UBL3: variants seen among roughly 807,000 people sequenced by gnomAD.
The protein encoded by UBL3 is ubiquitin like 3, also known as ubiquitin-like protein 3.
UBL3 carries 6 observed loss-of-function variants against 18.4 expected under a neutral mutation model. That is an observed-to-expected ratio of 0.33 (90% CI 0.18 to 0.64). UBL3 has a LOEUF of 0.64. Among genes scored for constraint, UBL3 ranks in the 30% least tolerant of loss-of-function variants. The pLI is 0.76. For missense variants in UBL3, 109 were observed against 142.9 expected, an observed-to-expected ratio of 0.76 and a Z score of 1.21; for synonymous variants, 49 against 46.6, an observed-to-expected ratio of 1.05 and a Z score of -0.21.
chr13:29,848,476 T>A (rs375722245), intron 1 of UBL3, among the ~76,000 whole-genome samples: 30 of 151,460 alleles, frequency 2.0e-4, no homozygotes, highest in Non-Finnish European at 2.2e-4. Context: ...AAAATTAAAT[T>A]AAAATTAAAT....
intron 1 of UBL3, among the ~76,000 whole-genome samples, chr13:29,792,106 G>A (rs1186441622): frequency 1.3e-5 from 2 of 152,100 alleles, no homozygotes; most frequent in Non-Finnish European, 2.9e-5. Context: ...CAGTCACAGT[G>A]CTTGAAAAAA....
At chr13:29,817,530 G>C (rs572131597) in intron 1 of UBL3, among the ~76,000 whole-genome samples, 1 of 152,288 alleles carries the variant, frequency 6.6e-6, no homozygotes, top group African/African-American at 2.4e-5. Context: ...ACAGGAAAGA[G>C]ACCAGAGGCA....
intron 1 of UBL3, among the ~76,000 whole-genome samples, chr13:29,802,197 T>A (rs1877789159): frequency 6.6e-6 from 1 of 152,180 alleles, no homozygotes. Flanking sequence ...AAAAATACTT[T>A]GCTAATACAC....
intron 1 of UBL3, among the ~76,000 whole-genome samples, chr13:29,812,456 G>C (rs886591042): frequency 6.6e-6 from 1 of 151,686 alleles, no homozygotes; most frequent in African/African-American, 2.4e-5. Flanking sequence ...ATACTCCAAG[G>C]CACCACCCCA....
chr13:29,788,833 G>A (rs987129652), intron 1 of UBL3, among the ~76,000 whole-genome samples: 12 of 146,412 alleles, frequency 8.2e-5, no homozygotes, highest in African/African-American at 3.0e-4. Context: ...AGGGCTTAAT[G>A]GGGAAGTGTG....
In UBL3 at chr13:29,835,116, AT is replaced by A. The variant is rs1566001005; in HGVS notation, c.27+14395del. Among the ~76,000 whole-genome samples, 134 of 24,792 alleles carry A rather than the reference AT, an allele frequency of 5.4e-3. 7 individuals are homozygous for A. The highest frequency in any genetic ancestry group is 0.017 in the Middle Eastern group (1 of 60). 16.3% of individuals were successfully genotyped at this position (24,792 alleles called of 152,430 possible). A position where few individuals can be genotyped will look rare whatever the true frequency, so the allele number is the denominator to read the frequency against. On this transcript the variant is annotated intron_variant, in intron 1 of 4. Transcript: ENST00000380680. ...TATATATATATATATAAATATATAT[AT>A]ATATATAAATATATATATATATATA...
chr13:29,828,892 G>A (rs564215369), intron 1 of UBL3, among the ~76,000 whole-genome samples: 9 of 152,210 alleles, frequency 5.9e-5, no homozygotes, highest in Non-Finnish European at 1.3e-4. Context: ...TTCCTTCTAA[G>A]AGTCAGGACC....
At chr13:29,832,398 T>G (rs1388598880) in intron 1 of UBL3, among the ~76,000 whole-genome samples, 1 of 151,614 alleles carries the variant, frequency 6.6e-6, no homozygotes, top group Non-Finnish European at 1.5e-5. Context: ...AGTGGCGCTA[T>G]CTCGGCTCAC....
chr13:29,782,513 T>C (rs1877202879), intron 1 of UBL3, among the ~76,000 whole-genome samples: 1 of 152,198 alleles, frequency 6.6e-6, no homozygotes, highest in Admixed American at 6.5e-5. Flanking sequence ...AAATATTATT[T>C]TAATGTTTAT....
chr13:29,770,807 A>G, intron 3 of UBL3, among the ~76,000 whole-genome samples: 1 of 135,158 alleles, frequency 7.4e-6, no homozygotes, highest in Non-Finnish European at 1.6e-5. Flanking sequence ...TGGTCCATCT[A>G]TTTATACAAA....
In UBL3 at chr13:29,772,102, T is replaced by C; in HGVS notation, c.223+10A>G. ...CAGACATTAAATCCCATTACAAAGG[T>C]GGCTGTTACCTCCTAATGTGACATT... On this transcript the variant is annotated intron_variant, in intron 3 of 4. Transcript: ENST00000380680. 6.2e-7 allele frequency: 1 copy of C among 1,605,870 alleles called. No homozygotes were observed. Among genetic ancestry groups the C allele is most frequent in the Non-Finnish European group, 8.5e-7 (1 of 1,173,922 alleles).
At chr13:29,827,533 C>A (rs1211555685) in intron 1 of UBL3, among the ~76,000 whole-genome samples, 1 of 152,060 alleles carries the variant, frequency 6.6e-6, no homozygotes, top group African/African-American at 2.4e-5. Context: ...ATTTGCTTGG[C>A]AGATCTTCCT....
At chr13:29,835,581 C>A (rs1202686576) in intron 1 of UBL3, among the ~76,000 whole-genome samples, 2 of 151,110 alleles carry the variant, frequency 1.3e-5, no homozygotes, top group Non-Finnish European at 3.0e-5. Flanking sequence ...ATGGTGAATC[C>A]CCATCTCTAC....
rs1017225327 is a variant in UBL3 at position 29,829,187 on chromosome 13, G to A, written c.27+20325C>T. Among the ~76,000 whole-genome samples, 3 of 152,274 alleles carry A rather than the reference G, an allele frequency of 2.0e-5. No individual in the cohort carries two copies. In the East Asian group the frequency reaches 5.8e-4, roughly 29 times the overall value. On this transcript the variant is annotated intron_variant, in intron 1 of 4. Transcript: ENST00000380680. Reference sequence around the variant, plus strand: ...TCCATTCTCAGATCTGAAACTCCGTGCTGGGAGAACCACTACTCTCTTCAA... The same window carrying A: ...TCCATTCTCAGATCTGAAACTCCGTACTGGGAGAACCACTACTCTCTTCAA...
chr13:29,844,163 C>T (rs1184237534), intron 1 of UBL3, among the ~76,000 whole-genome samples: 7 of 152,200 alleles, frequency 4.6e-5, no homozygotes, highest in African/African-American at 1.7e-4. Flanking sequence ...CACATCTTCC[C>T]TCAGCAAACC....
chr13:29,835,125 AATATATATATATATATATATAT>A (rs59643985), intron 1 of UBL3, among the ~76,000 whole-genome samples: 695 of 23,408 alleles, frequency 0.03, 47 homozygotes, highest in African/African-American at 0.069. Flanking sequence ...TATATATATA[AATATATATATATATATATATAT>A]ATATATATAT....
intron 1 of UBL3, among the ~76,000 whole-genome samples, chr13:29,829,968 G>T (rs922117997): frequency 6.6e-6 from 1 of 152,192 alleles, no homozygotes; most frequent in African/African-American, 2.4e-5. Flanking sequence ...CAAACAGAGC[G>T]AAAGTGGATA....
intron 1 of UBL3, among the ~76,000 whole-genome samples, chr13:29,834,904 C>T (rs1878878074): frequency 6.6e-6 from 1 of 151,160 alleles, no homozygotes; most frequent in Non-Finnish European, 1.5e-5. Flanking sequence ...TAGCACCTAC[C>T]TACCTGACAG....
chr13:29,840,120 G>A (rs1417663589), intron 1 of UBL3, among the ~76,000 whole-genome samples: 11 of 151,864 alleles, frequency 7.2e-5, no homozygotes, highest in Non-Finnish European at 1.5e-5. Context: ...TGAAAAGACT[G>A]CGTACAAAGA....
Sources: allele counts gnomAD v4.1 joint callset (sites outside exome capture counted in the v4.1 genomes callset), GRCh38; gene constraint gnomAD v4.1.1; transcripts MANE v1.5; gene names NCBI Gene and HGNC (gene_info 2026-07-23, HGNC 2026-07-21).